The following MID1 variants were observed in gnomAD, a reference collection of about 807,000 sequenced individuals.
MID1 encodes the protein midline 1.
A neutral mutation model predicts 40.4 loss-of-function variants in MID1; 7 were observed. The ratio of observed to expected loss-of-function variants is 0.17; its 90% CI spans 0.10 to 0.33. MID1 has a LOEUF of 0.33. MID1 is among the 10% of genes least tolerant of loss of function. The pLI, the probability that MID1 is intolerant of heterozygous loss-of-function variation, is 1.00. For synonymous variants in MID1, 229 were observed against 221.2 expected, an observed-to-expected ratio of 1.04 and a Z score of -0.31; for missense variants, 367 against 558.5, an observed-to-expected ratio of 0.66 and a Z score of 3.46.
intron 1 of MID1, among the ~76,000 whole-genome samples, chrX:10,810,261 A>G (rs1163203225): frequency 3.6e-5 from 4 of 112,271 alleles, no homozygotes; most frequent in Non-Finnish European, 5.6e-5. Context: ...GTGGAATCGT[A>G]CAGTATTTGT....
At position 10,630,789 on chromosome X, in the gene MID1, G is replaced by C. The variant is rs1936045040; in HGVS notation, c.-186-10370C>G. ...ACGGGGGTGGCACTGGAAGTGGGGT[G>C]ACTTGGGGAGTTCCTGGATAGATTT... On this transcript the variant is annotated intron_variant, in intron 1 of 10. Transcript: ENST00000380785. Among the ~76,000 whole-genome samples, 3 of 111,514 alleles carry C rather than the reference G, an allele frequency of 2.7e-5. No homozygotes were observed. In the South Asian group the frequency reaches 1.1e-3, roughly 43 times the overall value.
At chrX:10,458,371 T>C (rs1353911314) in intron 8 of MID1, among the ~76,000 whole-genome samples, 1 of 111,906 alleles carries the variant, frequency 8.9e-6, no homozygotes, top group East Asian at 2.8e-4. Context: ...GAACACTAAA[T>C]GCATTGTGGG....
At chrX:10,649,743 G>C (rs1291989249) in intron 1 of MID1, among the ~76,000 whole-genome samples, 1 of 111,730 alleles carries the variant, frequency 9.0e-6, no homozygotes, top group Non-Finnish European at 1.9e-5. Context: ...CATGGGGAAT[G>C]ATCTTCAAAC....
upstream of MID1, among the ~76,000 whole-genome samples, chrX:10,623,775 A>G (rs900828326): frequency 3.6e-5 from 4 of 111,885 alleles, no homozygotes; most frequent in Admixed American, 1.9e-4. Flanking sequence ...TCAAAAGTCA[A>G]TGAAAATCAA....
intron 7 of MID1, among the ~76,000 whole-genome samples, chrX:10,464,587 G>A (rs972922281): frequency 8.9e-6 from 1 of 111,816 alleles, no homozygotes; most frequent in African/African-American, 3.3e-5. Flanking sequence ...TGTGTAATTG[G>A]TCCTGCCTTT....
At chrX:10,767,825 G>A (rs2043741512) in intron 1 of MID1, among the ~76,000 whole-genome samples, 1 of 111,334 alleles carries the variant, frequency 9.0e-6, no homozygotes, top group Non-Finnish European at 1.9e-5. Context: ...GAGTTTTAAT[G>A]GTAATAAATT....
rs1403293468 is a variant in MID1 at position 10,465,204 on chromosome X, TATATATATATACACAC to T, written c.1285+4477_1285+4492del. Among the ~76,000 whole-genome samples, 11 of 67,353 alleles carry T rather than the reference TATATATATATACACAC, an allele frequency of 1.6e-4. No individual in the cohort carries two copies. In the South Asian group the frequency reaches 4.9e-3, roughly 30 times the overall value. The allele number at this position is 67,353 out of a possible 115,157, so 58.5% of individuals were successfully genotyped here. Reference sequence around the variant, plus strand: ...CTGAAATTTTATATATATATATATATATATATATATACACACACACACACACACACACACACACACA... The same window carrying T: ...CTGAAATTTTATATATATATATATATACACACACACACACACACACACACA... On this transcript the variant is annotated intron_variant, in intron 7 of 9. Transcript: ENST00000317552.
intron 1 of MID1, among the ~76,000 whole-genome samples, chrX:10,649,541 C>T (rs1936296335): frequency 8.9e-6 from 1 of 112,035 alleles, no homozygotes; most frequent in Non-Finnish European, 1.9e-5. Flanking sequence ...TTATAGCAAC[C>T]TCTTCTTTTT....
intron 1 of MID1, among the ~76,000 whole-genome samples, chrX:10,612,593 C>A (rs1935753234): frequency 8.9e-6 from 1 of 112,318 alleles, no homozygotes; most frequent in South Asian, 3.7e-4. Context: ...AGAATATACA[C>A]ATAAAAGAAG....
At chrX:10,602,623 C>G (rs1935552845) in intron 1 of MID1, among the ~76,000 whole-genome samples, 1 of 112,144 alleles carries the variant, frequency 8.9e-6, no homozygotes, top group Non-Finnish European at 1.9e-5. Flanking sequence ...TTTTAAAAAA[C>G]CTTTTCACTT....
intron 1 of MID1, among the ~76,000 whole-genome samples, chrX:10,607,999 C>G (rs752240781): frequency 8.9e-6 from 1 of 112,150 alleles, no homozygotes; most frequent in African/African-American, 3.2e-5. Context: ...TTGAACACAC[C>G]CAAACTGGAT....
At chrX:10,536,179 C>T (rs895534323) in intron 2 of MID1, among the ~76,000 whole-genome samples, 5 of 112,079 alleles carry the variant, frequency 4.5e-5, no homozygotes, top group African/African-American at 6.5e-5. Context: ...GAGCCATGAT[C>T]GTGCCACTGC....
chrX:10,559,246 T>C (rs1034951341), intron 2 of MID1, among the ~76,000 whole-genome samples: 2 of 112,508 alleles, frequency 1.8e-5, no homozygotes, highest in African/African-American at 6.5e-5. Flanking sequence ...CTCATAAATA[T>C]GTGCAATTAT....
chrX:10,545,858 A>G (rs1389548412), intron 2 of MID1, among the ~76,000 whole-genome samples: 3 of 112,137 alleles, frequency 2.7e-5, no homozygotes, highest in Non-Finnish European at 5.6e-5. Context: ...CATAGTAGTC[A>G]TGATTCTCTT....
chrX:10,749,680 C>T (rs56965835), intron 1 of MID1, among the ~76,000 whole-genome samples: 11,816 of 111,051 alleles, frequency 0.11, 1,499 homozygotes, highest in African/African-American at 0.36. Flanking sequence ...TACAGTCATA[C>T]GGAAAGCAAA....
intron 8 of MID1, among the ~76,000 whole-genome samples, chrX:10,456,253 C>A (rs1928662370): frequency 8.9e-6 from 1 of 112,305 alleles, no homozygotes; most frequent in African/African-American, 3.2e-5. Flanking sequence ...CACAACACAA[C>A]ACCAGCACCT....
chrX:10,581,184 G>A (rs776249203), intron 1 of MID1, among the ~76,000 whole-genome samples: 1 of 111,320 alleles, frequency 9.0e-6, no homozygotes, highest in South Asian at 3.8e-4. Context: ...GGGAGGCGGA[G>A]GTTGCAGTGA....
chrX:10,766,194 G>C (rs1422641309), intron 1 of MID1, among the ~76,000 whole-genome samples: 1 of 111,669 alleles, frequency 9.0e-6, no homozygotes, highest in Non-Finnish European at 1.9e-5. Flanking sequence ...CTCTGTCTTG[G>C]GCAGACAGTT....
chrX:10,449,665 C>T lies in MID1; in HGVS notation c.1707G>A (p.Gly569=). Residue 569 remains glycine, a synonymous_variant, in exon 10 of 10, where the codon GGG becomes GGA. Coordinates refer to ENST00000317552, the MANE Select transcript of MID1 (RefSeq NM_000381.4). ...AGAGCGCCCAGGAAGCAGAGTTCTT[C>T]CCAATCCATTCATGCTTCGGGGCTG... ...YKSAPKHEWI[G]KNSASWALCR... 1 of 1,211,686 alleles carries T rather than the reference C, an allele frequency of 8.3e-7. No individual in the cohort carries two copies. Among genetic ancestry groups the T allele is most frequent in the Non-Finnish European group, 1.1e-6 (1 of 895,444 alleles).
Sources: allele counts gnomAD v4.1 joint callset (sites outside exome capture counted in the v4.1 genomes callset), GRCh38; gene constraint gnomAD v4.1.1; transcripts MANE v1.5; gene names NCBI Gene and HGNC (gene_info 2026-07-23, HGNC 2026-07-21).